KIAA0753: variants seen among roughly 807,000 people sequenced by gnomAD.
The protein encoded by KIAA0753 is KIAA0753.
A neutral mutation model predicts 116.9 loss-of-function variants in KIAA0753; 114 were observed. The observed-to-expected ratio is 0.98, with a 90% CI of 0.84 to 1.14. The LOEUF (loss-of-function observed/expected upper bound fraction) is 1.14, where lower values mean the gene tolerates loss of function less well. Among genes scored for constraint, KIAA0753 ranks in the 50% most tolerant of loss-of-function variants. The pLI is 0.00. For missense variants in KIAA0753, 1,156 were observed against 1,172.4 expected, an observed-to-expected ratio of 0.99 and a Z score of 0.20; for synonymous variants, 405 against 413.1, an observed-to-expected ratio of 0.98 and a Z score of 0.24.
intron 18 of KIAA0753, among the ~76,000 whole-genome samples, chr17:6,587,788 C>G (rs1353931927): frequency 6.6e-6 from 1 of 152,176 alleles, no homozygotes. Context: ...TATCCCTGAT[C>G]CCACCCAAAA....
intron 12 of KIAA0753, among the ~76,000 whole-genome samples, chr17:6,604,944 T>C (rs1443295716): frequency 1.3e-5 from 2 of 151,896 alleles, no homozygotes; most frequent in Admixed American, 6.6e-5. Flanking sequence ...TCTGAAAGGA[T>C]TTACTTCCCA....
intron 10 of KIAA0753, among the ~76,000 whole-genome samples, chr17:6,608,118 A>G (rs1465579812): frequency 1.3e-5 from 2 of 152,242 alleles, no homozygotes; most frequent in East Asian, 3.8e-4. Flanking sequence ...TAATTGACAC[A>G]TATATAATTT....
chr17:6,606,835 C>G (rs755293485), intron 12 of KIAA0753, 38 bp downstream of exon 12: 37 of 1,551,620 alleles, frequency 2.4e-5, no homozygotes, highest in Non-Finnish European at 2.8e-5. Flanking sequence ...TTAGAACAGG[C>G]AAACATCCAC....
At position 6,600,412 on chromosome 17, in the gene KIAA0753, C is replaced by T. The variant is rs780351355; in HGVS notation, c.2056G>A (p.Asp686Asn). 4.3e-6 allele frequency: 7 copies of T among 1,613,948 alleles called. No individual in the cohort carries two copies. Among genetic ancestry groups the T allele is most frequent in the Non-Finnish European group, 5.9e-6 (7 of 1,179,856 alleles). Residue 686 changes from aspartate to asparagine, a missense_variant, in exon 13 of 19, where the codon GAT becomes AAT. Asp to Asn is a conservative substitution (Grantham distance 23). Transcript: ENST00000361413. ...TTGACCAAGAGAGGCTTCAAACGAT[C>T]CAGAACTGCCTCCTCTACCTTGTCT... is the stretch of plus-strand genomic sequence containing the variant. Reference protein sequence around the residue: ...LADKVEEAVLDRLKPLLVKAQ... With the variant: ...LADKVEEAVLNRLKPLLVKAQ...
intron 12 of KIAA0753, among the ~76,000 whole-genome samples, chr17:6,604,177 A>G (rs976993708): frequency 6.6e-6 from 1 of 152,238 alleles, no homozygotes; most frequent in Non-Finnish European, 1.5e-5. Flanking sequence ...GTTCACACAA[A>G]TACTTCTACA....
At position 6,579,502 on chromosome 17, in the gene KIAA0753, A is replaced by C. The variant is rs921754083; in HGVS notation, c.*245T>G. 6 of 417,526 alleles carry C rather than the reference A, an allele frequency of 1.4e-5. No homozygotes were observed. The highest frequency in any genetic ancestry group is 3.9e-5 in the African/African-American group (2 of 50,852). 25.9% of individuals were successfully genotyped at this position (417,526 alleles called of 1,614,324 possible). ...GTACACATTCTGAAAATATTGCCAT[A>C]ATCAAGTTGTGTTGCCTGGGCACTG... On this transcript the variant is annotated 3_prime_UTR_variant, in exon 19 of 19. Transcript: ENST00000361413.
chr17:6,628,215 T>G lies in KIAA0753; in HGVS notation c.620A>C (p.His207Pro), dbSNP rs758435202. Residue 207 changes from histidine (H) to proline (P), a missense_variant, in exon 3 of 19, where the codon CAC becomes CCC. Physicochemically the swap from His to Pro is moderately conservative, Grantham distance 77 (BLOSUM62 -2). Transcript: ENST00000361413. Reference sequence around the variant, plus strand: ...GCTTTTCTGTTCACTTATGTTTTTGTGGTCACCTATCCTGGGATGAGGCTG... The same window carrying G: ...GCTTTTCTGTTCACTTATGTTTTTGGGGTCACCTATCCTGGGATGAGGCTG... ...GLQPHPRIGD[H>P]KNISEQKSLL... The G allele has an allele frequency of 6.2e-7, 1 of 1,614,252 alleles. No individual in the cohort carries two copies. Among genetic ancestry groups the G allele is most frequent in the Admixed American group, 1.7e-5 (1 of 60,022 alleles).
intron 7 of KIAA0753, among the ~76,000 whole-genome samples, chr17:6,619,317 CG>C (rs1211830999): frequency 6.6e-6 from 1 of 151,952 alleles, no homozygotes; most frequent in Non-Finnish European, 1.5e-5. Context: ...TCTTAGATGC[CG>C]GTAATATTCT....
chr17:6,610,271 G>A (rs1371218038), intron 8 of KIAA0753, 111 bp from the exon 9 acceptor site: 20 of 1,056,624 alleles, frequency 1.9e-5, no homozygotes, highest in East Asian at 1.0e-4. Context: ...GCATCCATTC[G>A]GTAAAACCTG....
intron 2 of KIAA0753, among the ~76,000 whole-genome samples, chr17:6,631,999 C>T (rs972042200): frequency 1.3e-5 from 2 of 151,940 alleles, no homozygotes; most frequent in African/African-American, 2.4e-5. Flanking sequence ...TCTACTGCCT[C>T]GGCCTCCCAA....
At position 6,589,884 on chromosome 17, in the gene KIAA0753, C is replaced by A. The variant is rs775979070; in HGVS notation, c.2681G>T (p.Gly894Val). 1.2e-6 allele frequency: 2 copies of A among 1,613,908 alleles called. No individual in the cohort carries two copies. The highest frequency in any genetic ancestry group is 1.1e-5 in the South Asian group (1 of 91,048). The change falls in exon 18 of 19, where the codon GGT becomes GTT. Residue 894 changes from glycine (G) to valine (V), a missense_variant. Physicochemically the swap from Gly to Val is moderately radical, Grantham distance 109. Coordinates refer to ENST00000361413, the MANE Select transcript of KIAA0753 (RefSeq NM_014804.3). ...GTAGTCACCGATGCTGTGCTGCATA[C>A]CCGGTGGGACAAAGAGGGGAGCTCG... ...EGRAPLFVPP[G>V]MQHSIGDYCS... is the part of the protein sequence containing the mutation.
At chr17:6,616,581 T>C (rs902061263) in intron 7 of KIAA0753, among the ~76,000 whole-genome samples, 1 of 152,140 alleles carries the variant, frequency 6.6e-6, no homozygotes, top group African/African-American at 2.4e-5. Context: ...TCCCAGCACT[T>C]TGGGAGGCCA....
intron 18 of KIAA0753, among the ~76,000 whole-genome samples, chr17:6,583,536 C>T (rs78708558): frequency 0.021 from 3,129 of 152,190 alleles, 104 homozygotes; most frequent in African/African-American, 0.07. Flanking sequence ...CTTCACTTTT[C>T]GTCTTTTTTT....
intron 12 of KIAA0753, 83 bp from the exon 13 acceptor site, chr17:6,600,541 G>A (rs1181597330): frequency 1.9e-6 from 2 of 1,072,988 alleles, no homozygotes; most frequent in East Asian, 2.5e-5. Flanking sequence ...TCCAGGAGAA[G>A]GGAAATAAAA....
intron 18 of KIAA0753, among the ~76,000 whole-genome samples, chr17:6,580,122 AT>A (rs1285502313): frequency 2.0e-5 from 3 of 151,632 alleles, no homozygotes; most frequent in Non-Finnish European, 2.9e-5. Flanking sequence ...GGAGGTGGAG[AT>A]TGCAGTGAGC....
At chr17:6,584,622 G>A (rs984402436) in intron 18 of KIAA0753, among the ~76,000 whole-genome samples, 15 of 152,054 alleles carry the variant, frequency 9.9e-5, no homozygotes, top group African/African-American at 3.1e-4. Flanking sequence ...CTGCTGGAGT[G>A]CTCTTTCCCA....
intron 12 of KIAA0753, among the ~76,000 whole-genome samples, chr17:6,605,088 GA>G (rs35631503): frequency 0.29 from 22,156 of 75,804 alleles, 1,750 homozygotes; most frequent in East Asian, 0.41. Flanking sequence ...TCTCTAACTT[GA>G]AAAAAAAAAA....
chr17:6,630,848 T>C (rs551998027), intron 2 of KIAA0753, among the ~76,000 whole-genome samples: 41 of 152,298 alleles, frequency 2.7e-4, no homozygotes, highest in African/African-American at 9.9e-4. Context: ...ATATTTATAA[T>C]ACACTACCCT....
chr17:6,591,429 A>G (rs988869845), intron 16 of KIAA0753, among the ~76,000 whole-genome samples: 57 of 152,342 alleles, frequency 3.7e-4, no homozygotes, highest in African/African-American at 1.3e-3. Flanking sequence ...CAAATTTTCA[A>G]TTGTTCTCAG....
Sources: allele counts gnomAD v4.1 joint callset (sites outside exome capture counted in the v4.1 genomes callset), GRCh38; gene constraint gnomAD v4.1.1; transcripts MANE v1.5; gene names NCBI Gene and HGNC (gene_info 2026-07-23, HGNC 2026-07-21).